The following CCNY variants were observed in gnomAD, a reference collection of about 807,000 sequenced individuals.
CCNY encodes cyclin-Y.
A neutral mutation model predicts 42.8 loss-of-function variants in CCNY; 19 were observed. The ratio of observed to expected loss-of-function variants is 0.44; its 90% CI spans 0.31 to 0.65. The LOEUF is 0.65. CCNY is among the 30% of genes least tolerant of loss of function. CCNY has a pLI of 0.07. For missense variants in CCNY, 370 were observed against 437.3 expected, an observed-to-expected ratio of 0.85 and a Z score of 1.37; for synonymous variants, 165 against 162.7, an observed-to-expected ratio of 1.01 and a Z score of -0.11.
intron 1 of CCNY, among the ~76,000 whole-genome samples, chr10:35,378,484 G>C (rs907434472): frequency 5.3e-5 from 8 of 152,050 alleles, no homozygotes; most frequent in African/African-American, 1.9e-4. Context: ...GTCTATATGG[G>C]TGACTTCCTA....
intron 7 of CCNY, among the ~76,000 whole-genome samples, chr10:35,532,183 G>A (rs1840783040): frequency 6.6e-6 from 1 of 152,238 alleles, no homozygotes; most frequent in African/African-American, 2.4e-5. Context: ...ATGCTTGTGG[G>A]TAGAGGGCAC....
upstream of CCNY, chr10:35,335,899 G>GAC (rs144039786): frequency 0.039 from 2,552 of 64,634 alleles, 32 homozygotes; most frequent in African/African-American, 0.062. Flanking sequence ...CTACTTTGGA[G>GAC]ACACACACAC....
rs545798608 is a variant in CCNY, at chr10:35,569,937, C to T, written c.*767C>T. The T allele has an allele frequency of 6.5e-6, 1 of 152,768 alleles. No homozygotes were observed. The highest frequency in any genetic ancestry group is 2.1e-4 in the South Asian group (1 of 4,814). 9.5% of individuals were successfully genotyped at this position (152,768 alleles called of 1,614,324 possible). On this transcript the variant is annotated 3_prime_UTR_variant, in exon 10 of 10. Coordinates refer to ENST00000374704, the MANE Select transcript of CCNY (RefSeq NM_145012.6). ...AGATCACATGGGTGCTTGTGCCTTC[C>T]GATTTTCTTGCATTTGTTTTTTTCC...
At chr10:35,395,023 GA>G (rs1837493765) in intron 1 of CCNY, 1 of 146,504 alleles carries the variant, frequency 6.8e-6, no homozygotes, top group Admixed American at 1.1e-4. Context: ...AGTTGAAGAA[GA>G]AAGCTAGAAG....
chr10:35,266,175 T>G (rs1029404819), intron 3 of CCNY, among the ~76,000 whole-genome samples: 8 of 151,620 alleles, frequency 5.3e-5, no homozygotes, highest in African/African-American at 1.9e-4. Context: ...CCTCCCAGGT[T>G]CAAGCAATTC....
intron 3 of CCNY, among the ~76,000 whole-genome samples, chr10:35,309,962 A>G (rs921314161): frequency 6.6e-6 from 1 of 151,932 alleles, no homozygotes; most frequent in Non-Finnish European, 1.5e-5. Context: ...CACCATGCCC[A>G]GCTAATTTTT....
chr10:35,458,744 T>C (rs1313775559), intron 1 of CCNY, among the ~76,000 whole-genome samples: 1 of 152,210 alleles, frequency 6.6e-6, no homozygotes, highest in African/African-American at 2.4e-5. Flanking sequence ...CTGAATTGTG[T>C]GCACTGAAAC....
At chr10:35,483,239 C>T (rs1839713153) in intron 1 of CCNY, among the ~76,000 whole-genome samples, 165 bp from the exon 2 acceptor site, 1 of 152,170 alleles carries the variant, frequency 6.6e-6, no homozygotes, top group South Asian at 2.1e-4. Flanking sequence ...TTCTAAATAG[C>T]AGTGTTCTGA....
intron 1 of CCNY, among the ~76,000 whole-genome samples, chr10:35,452,234 C>CATT (rs953179837): frequency 6.6e-6 from 1 of 152,192 alleles, no homozygotes; most frequent in African/African-American, 2.4e-5. Context: ...GTTTATACTG[C>CATT]ATTCCACACT....
intron 1 of CCNY, among the ~76,000 whole-genome samples, chr10:35,368,915 C>G (rs1364686876): frequency 6.6e-6 from 1 of 152,180 alleles, no homozygotes; most frequent in Non-Finnish European, 1.5e-5. Flanking sequence ...AGCAGGGTCT[C>G]TGTACTTCCA....
intron 1 of CCNY, among the ~76,000 whole-genome samples, chr10:35,476,623 C>T (rs1386639264): frequency 3.5e-4 from 53 of 150,504 alleles, no homozygotes; most frequent in African/African-American, 1.2e-3. Flanking sequence ...ATCTCTGGGA[C>T]GCATTCAAAG....
At chr10:35,249,088 A>T (rs1248235956) in intron 2 of CCNY, among the ~76,000 whole-genome samples, 1 of 151,802 alleles carries the variant, frequency 6.6e-6, no homozygotes. Flanking sequence ...GCATGCCACC[A>T]CTCCTGGCTA....
chr10:35,564,037 C>T (rs550426663), intron 8 of CCNY, among the ~76,000 whole-genome samples: 4 of 152,060 alleles, frequency 2.6e-5, no homozygotes, highest in Admixed American at 1.3e-4. Context: ...CCACCATGCC[C>T]GGCTAATTTT....
intron 1 of CCNY, among the ~76,000 whole-genome samples, chr10:35,407,742 C>A (rs559850582): frequency 6.6e-6 from 1 of 151,852 alleles, no homozygotes; most frequent in East Asian, 1.9e-4. Flanking sequence ...GAAGGTTGCC[C>A]ATAGTGAAGG....
rs148063398 is a variant in CCNY at position 35,526,071 on chromosome 10, C to G, written c.401+72C>G. On this transcript the variant is annotated intron_variant, in intron 5 of 9. Coordinates refer to ENST00000374704, the MANE Select transcript of CCNY (RefSeq NM_145012.6). ...TATGTTGTTCCTATTTTTTCATATTCTAGTTGCTTAAACCTTTGAATTATA... is the reference window on the plus strand; with the variant it reads ...TATGTTGTTCCTATTTTTTCATATTGTAGTTGCTTAAACCTTTGAATTATA... 146 of 1,311,918 alleles carry G rather than the reference C, an allele frequency of 1.1e-4. No individual in the cohort carries two copies. In the African/African-American group the frequency reaches 2.0e-3, roughly 18 times the overall value. The allele number at this position is 1,311,918 out of a possible 1,614,324, so 81.3% of individuals were successfully genotyped here. A position where few individuals can be genotyped will look rare whatever the true frequency, so the allele number is the denominator to read the frequency against.
intron 1 of CCNY, among the ~76,000 whole-genome samples, chr10:35,379,962 A>G (rs1837142702): frequency 6.6e-6 from 1 of 152,222 alleles, no homozygotes; most frequent in Non-Finnish European, 1.5e-5. Context: ...AGGCTGTCAT[A>G]TGAAGCATTC....
chr10:35,480,010 C>G (rs1294305930), intron 1 of CCNY, among the ~76,000 whole-genome samples: 1 of 150,906 alleles, frequency 6.6e-6, no homozygotes, highest in Non-Finnish European at 1.5e-5. Flanking sequence ...TTTTTTGTTC[C>G]CCAAGGAGGT....
At chr10:35,273,587 G>C (rs908835335) in intron 3 of CCNY, among the ~76,000 whole-genome samples, 9 of 152,078 alleles carry the variant, frequency 5.9e-5, no homozygotes, top group Non-Finnish European at 1.2e-4. Context: ...GGGCTTGCTG[G>C]AGCGCTCTTG....
At chr10:35,416,046 C>T (rs1040379502) in intron 1 of CCNY, among the ~76,000 whole-genome samples, 3 of 152,104 alleles carry the variant, frequency 2.0e-5, no homozygotes, top group Non-Finnish European at 4.4e-5. Flanking sequence ...TTTTTGGCAG[C>T]TGATGTTCAA....
Sources: allele counts gnomAD v4.1 joint callset (sites outside exome capture counted in the v4.1 genomes callset), GRCh38; gene constraint gnomAD v4.1.1; transcripts MANE v1.5; gene names NCBI Gene and HGNC (gene_info 2026-07-23, HGNC 2026-07-21).